Variants in ACSBG1 observed in about 807,000 individuals in gnomAD.
ACSBG1 encodes the protein acyl-CoA synthetase bubblegum family member 1.
A neutral mutation model predicts 80.2 loss-of-function variants in ACSBG1; 39 were observed. The ratio of observed to expected loss-of-function variants is 0.49; its 90% confidence interval spans 0.38 to 0.64. The LOEUF (loss-of-function observed/expected upper bound fraction) is 0.64, where lower values mean the gene tolerates loss of function less well. Ranked by LOEUF, ACSBG1 falls within the 30% of genes least tolerant of loss-of-function variation. ACSBG1 has a pLI of 0.00. For synonymous variants in ACSBG1, 392 were observed against 379.5 expected, an observed-to-expected ratio of 1.03 and a Z score of -0.38; for missense variants, 828 against 966.4, an observed-to-expected ratio of 0.86 and a Z score of 1.90.
At chr15:78,226,163 A>G (rs781168481) in intron 1 of ACSBG1, among the ~76,000 whole-genome samples, 6 of 152,242 alleles carry the variant, frequency 3.9e-5, no homozygotes, top group Non-Finnish European at 8.8e-5. Flanking sequence ...AGTTATTTCA[A>G]AATGTACAAT....
rs1292236603 is a variant in ACSBG1 at position 78,233,420 on chromosome 15, G to A, written c.131+951C>T. 2.0e-5 allele frequency among the ~76,000 whole-genome samples: 3 copies of A among 152,268 alleles called. No homozygotes were observed. In the East Asian group the frequency reaches 5.8e-4, roughly 29 times the overall value. ...CTGTAGTCTTGGTAGCTCAGACACT[G>A]GCAATTCCTCCCCATTACTACAGAG... On this transcript the variant is annotated intron_variant, in intron 1 of 13. Coordinates refer to ENST00000258873, the MANE Select transcript of ACSBG1 (RefSeq NM_015162.5).
intron 1 of ACSBG1, among the ~76,000 whole-genome samples, chr15:78,228,351 C>CA (rs1315262328): frequency 6.6e-6 from 1 of 152,220 alleles, no homozygotes; most frequent in East Asian, 1.9e-4. Flanking sequence ...AGTGAGTTCC[C>CA]CTTCCCTAGA....
At chr15:78,198,100 G>A (rs11072739) in intron 2 of ACSBG1, among the ~76,000 whole-genome samples, 95,485 of 151,860 alleles carry the variant, frequency 0.63, 31,872 homozygotes, top group East Asian at 0.77. Flanking sequence ...GCAGTGGTGC[G>A]ATCTGGGCTC....
At chr15:78,228,322 C>T (rs768914285) in intron 1 of ACSBG1, among the ~76,000 whole-genome samples, 17 of 152,130 alleles carry the variant, frequency 1.1e-4, no homozygotes, top group African/African-American at 3.1e-4. Context: ...TGTGCTTTTG[C>T]GGAGCTGAAG....
At chr15:78,215,708 GAGAGAAAGAAAGAA>G (rs1281202420) in intron 1 of ACSBG1, among the ~76,000 whole-genome samples, 24 of 135,044 alleles carry the variant, frequency 1.8e-4, no homozygotes, top group African/African-American at 6.3e-4. Flanking sequence ...AAGAAGGAAA[GAGAGAAAGAAAGAA>G]AGAGAAAGAA....
chr15:78,180,662 G>T, intron 9 of ACSBG1, 93 bp downstream of exon 9: 1 of 1,487,582 alleles, frequency 6.7e-7, no homozygotes, highest in Non-Finnish European at 9.0e-7. Flanking sequence ...CACTGGAACC[G>T]GGACAGGCAT....
chr15:78,180,629 C>A (rs961079691), intron 9 of ACSBG1, 126 bp downstream of exon 9: 2 of 1,248,948 alleles, frequency 1.6e-6, no homozygotes, highest in Middle Eastern at 2.2e-4. Context: ...GGCCTCTGCA[C>A]GGGGTCTCCA....
At chr15:78,207,016 A>G (rs979708093) in intron 2 of ACSBG1, among the ~76,000 whole-genome samples, 3 of 152,188 alleles carry the variant, frequency 2.0e-5, no homozygotes, top group Non-Finnish European at 4.4e-5. Flanking sequence ...CAGAGAAGGG[A>G]TTATAAAGTC....
intron 1 of ACSBG1, among the ~76,000 whole-genome samples, chr15:78,208,317 G>A (rs1167236330): frequency 6.6e-6 from 1 of 152,118 alleles, no homozygotes; most frequent in Non-Finnish European, 1.5e-5. Flanking sequence ...CCCCCACCCA[G>A]CCTCCCTCCA....
intron 5 of ACSBG1, among the ~76,000 whole-genome samples, chr15:78,186,871 T>G (rs1358219617): frequency 4.6e-5 from 7 of 152,114 alleles, no homozygotes; most frequent in Non-Finnish European, 1.0e-4. Context: ...TTCAAAAAAT[T>G]AATGAATCCA....
At chr15:78,204,980 C>A (rs1330102974) in intron 2 of ACSBG1, among the ~76,000 whole-genome samples, 1 of 152,108 alleles carries the variant, frequency 6.6e-6, no homozygotes, top group African/African-American at 2.4e-5. Context: ...TGCAAAAGCT[C>A]CTTAGTGGGT....
intron 1 of ACSBG1, among the ~76,000 whole-genome samples, chr15:78,221,553 G>A (rs2075359668): frequency 6.6e-6 from 1 of 152,108 alleles, no homozygotes; most frequent in Non-Finnish European, 1.5e-5. Context: ...GGACATACGG[G>A]AAACAGAGGC....
intron 5 of ACSBG1, among the ~76,000 whole-genome samples, chr15:78,185,332 G>C (rs1304250759): frequency 6.6e-6 from 1 of 152,154 alleles, no homozygotes; most frequent in Admixed American, 6.5e-5. Context: ...TGTAGGAATT[G>C]CTCATGTTTC....
Position 78,171,403 on chromosome 15 carries a change from C to A in ACSBG1, c.*41G>T. 1 of 1,563,698 alleles carries A rather than the reference C, an allele frequency of 6.4e-7. No homozygotes were observed. Among genetic ancestry groups the A allele is most frequent in the Non-Finnish European group, 8.8e-7 (1 of 1,136,374 alleles). On this transcript the variant is annotated 3_prime_UTR_variant, in exon 14 of 14. Transcript: ENST00000258873. ...GGGGCTCAGGAAGAGGCTCGGAACGCCTGCCCTCTATTCTATAGAAACTGC... is the reference window on the plus strand; with the variant it reads ...GGGGCTCAGGAAGAGGCTCGGAACGACTGCCCTCTATTCTATAGAAACTGC...
intron 5 of ACSBG1, among the ~76,000 whole-genome samples, chr15:78,189,564 C>T (rs76618443): frequency 0.04 from 6,124 of 151,824 alleles, 174 homozygotes; most frequent in South Asian, 0.17. Flanking sequence ...AGTAAACTAT[C>T]GCAAGAACAA....
rs17674205 is a variant in ACSBG1 at position 78,169,115 on chromosome 15, A to C, written c.*2329T>G. On this transcript the variant is annotated 3_prime_UTR_variant, in exon 14 of 14. Transcript: ENST00000258873. ...TGGTTTGCTTGTTTCTTGACAGTAC[A>C]TTTTTAGATCTGGCCTTTTCTTAAC... is the stretch of plus-strand genomic sequence containing the variant. 3 of 606,614 alleles carry C rather than the reference A, an allele frequency of 4.9e-6. No individual in the cohort carries two copies. The highest frequency in any genetic ancestry group is 2.8e-5 in the Admixed American group (1 of 35,554). The allele number at this position is 606,614 out of a possible 1,614,324, so 37.6% of individuals were successfully genotyped here. A position where few individuals can be genotyped will look rare whatever the true frequency, so the allele number is the denominator to read the frequency against.
intron 1 of ACSBG1, among the ~76,000 whole-genome samples, chr15:78,225,471 T>C (rs1595906445): frequency 1.3e-5 from 2 of 151,686 alleles, no homozygotes; most frequent in East Asian, 3.8e-4. Flanking sequence ...ACAGTTTTCA[T>C]AGCAACAAAA....
At chr15:78,205,723 AAGG>A (rs910211947) in intron 2 of ACSBG1, among the ~76,000 whole-genome samples, 47 of 152,316 alleles carry the variant, frequency 3.1e-4, no homozygotes, top group African/African-American at 9.6e-4. Flanking sequence ...CTGTGTGAGG[AAGG>A]AGGACTTTCA....
At chr15:78,181,885 A>G (rs2074948898) in intron 8 of ACSBG1, 84 bp downstream of exon 8, 2 of 1,515,346 alleles carry the variant, frequency 1.3e-6, no homozygotes, top group African/African-American at 2.7e-5. Flanking sequence ...CAGCACACAC[A>G]CAAATGCACT....
Sources: allele counts gnomAD v4.1 joint callset (sites outside exome capture counted in the v4.1 genomes callset), GRCh38; gene constraint gnomAD v4.1.1; transcripts MANE v1.5; gene names NCBI Gene and HGNC (gene_info 2026-07-23, HGNC 2026-07-21).